MYO7B: variants seen among roughly 807,000 people sequenced by gnomAD.
MYO7B encodes unconventional myosin-VIIb.
MYO7B carries 212 observed loss-of-function variants against 259.7 expected under a neutral mutation model. The observed-to-expected ratio is 0.82, with a 90% CI of 0.73 to 0.91. The LOEUF is 0.91. Ranked by LOEUF, MYO7B falls within the 40% of genes least tolerant of loss-of-function variation. MYO7B has a pLI of 0.00. For missense variants in MYO7B, 2,732 were observed against 2,813.5 expected, an observed-to-expected ratio of 0.97 and a Z score of 0.66; for synonymous variants, 1,197 against 1,166.4, an observed-to-expected ratio of 1.03 and a Z score of -0.54.
At chr2:127,632,888 C>T (rs898470556) in intron 39 of MYO7B, among the ~76,000 whole-genome samples, 4 of 152,194 alleles carry the variant, frequency 2.6e-5, no homozygotes, top group Non-Finnish European at 5.9e-5. Context: ...CAGTGGCAGC[C>T]GTGGTCACAG....
At chr2:127,553,025 G>A (rs1181805511) in intron 1 of MYO7B, among the ~76,000 whole-genome samples, 1 of 152,156 alleles carries the variant, frequency 6.6e-6, no homozygotes, top group Non-Finnish European at 1.5e-5. Flanking sequence ...GTAAAACAGA[G>A]ACAGCAGCAT....
At chr2:127,536,627 C>T (rs1430362426) in intron 1 of MYO7B, among the ~76,000 whole-genome samples, 2 of 152,212 alleles carry the variant, frequency 1.3e-5, no homozygotes, top group African/African-American at 4.8e-5. Context: ...CCAGGTCAGA[C>T]AGCTGGTGGG....
rs777681660 is a variant in MYO7B, at chr2:127,623,356, A to G, written c.3800A>G (p.Gln1267Arg). The G allele has an allele frequency of 6.3e-7, 1 of 1,599,804 alleles. No homozygotes were observed. The highest frequency in any genetic ancestry group is 1.1e-5 in the South Asian group (1 of 89,096). ...AGCGACCACCTGGGCTTCTCCCTCC[A>G]GGTCGCCGTGTACGACAAGGTACCA... is the stretch of plus-strand genomic sequence containing the variant. ...GLSDHLGFSLQVAVYDKFWSL... is the reference protein window; with the variant it reads ...GLSDHLGFSLRVAVYDKFWSL... The change falls in exon 29 of 48, where the codon CAG (glutamine) becomes CGG (arginine). Residue 1267 changes from glutamine (Q) to arginine (R), a missense_variant. Gln to Arg is a conservative substitution (Grantham distance 43). Coordinates refer to ENST00000409816, the MANE Select transcript of MYO7B (RefSeq NM_001393586.1).
At chr2:127,542,626 A>G (rs1693050056) in intron 1 of MYO7B, among the ~76,000 whole-genome samples, 1 of 152,222 alleles carries the variant, frequency 6.6e-6, no homozygotes, top group Non-Finnish European at 1.5e-5. Context: ...GTCAGGTGGA[A>G]TGAGAGACTG....
At chr2:127,552,580 G>A (rs1693485878) in intron 1 of MYO7B, among the ~76,000 whole-genome samples, 1 of 152,224 alleles carries the variant, frequency 6.6e-6, no homozygotes, top group African/African-American at 2.4e-5. Flanking sequence ...GACAGGCCAT[G>A]TGGGGAATGG....
intron 17 of MYO7B, 45 bp from the exon 18 acceptor site, chr2:127,593,501 G>GTC: frequency 1.3e-6 from 2 of 1,580,276 alleles, no homozygotes; most frequent in South Asian, 2.3e-5. Flanking sequence ...CCGCCGAGGG[G>GTC]TCTCTGCCCC....
Position 127,582,371 on chromosome 2 carries a change from C to T in MYO7B, c.1268C>T (p.Ala423Val), listed in dbSNP as rs371466972. Residue 423 changes from alanine to valine, a missense_variant, in exon 12 of 48, where the codon GCC becomes GTC. By Grantham distance (64) the Ala-to-Val change is moderately conservative (BLOSUM62 0). Transcript: ENST00000409816. ...KINAAIFTPP[A>V]QDPKNVRRAI... is the part of the protein sequence containing the mutation. ...AATGCCGCCATCTTCACACCACCAG[C>T]CCAGGACCCCAAAAATGTGCGGAGG... The T allele has an allele frequency of 3.5e-5, 57 of 1,613,336 alleles. No homozygotes were observed. Among genetic ancestry groups the T allele is most frequent in the Non-Finnish European group, 4.6e-5 (54 of 1,179,718 alleles).
At chr2:127,617,536 C>T (rs919221061) in intron 26 of MYO7B, among the ~76,000 whole-genome samples, 3 of 122,206 alleles carry the variant, frequency 2.5e-5, no homozygotes, top group African/African-American at 1.0e-4. Flanking sequence ...CGCTCTGTCG[C>T]CCAGGCCAGA....
intron 3 of MYO7B, 108 bp from the exon 4 acceptor site, chr2:127,565,125 A>C: frequency 7.2e-7 from 1 of 1,396,312 alleles, no homozygotes; most frequent in Non-Finnish European, 9.7e-7. Context: ...CAGCTGATCC[A>C]TGACCCGGAA....
chr2:127,563,203 C>G (rs550694948), intron 2 of MYO7B, among the ~76,000 whole-genome samples: 1 of 152,324 alleles, frequency 6.6e-6, no homozygotes, highest in Admixed American at 6.5e-5. Flanking sequence ...TCACAACTTC[C>G]TACTGCTCTG....
At chr2:127,583,420 C>T (rs1679179869) in intron 12 of MYO7B, among the ~76,000 whole-genome samples, 1 of 152,118 alleles carries the variant, frequency 6.6e-6, no homozygotes, top group African/African-American at 2.4e-5. Flanking sequence ...GCAGGGCTGG[C>T]AGAACTTAGC....
At chr2:127,599,056 T>C (rs914856322) in intron 19 of MYO7B, among the ~76,000 whole-genome samples, 3 of 152,226 alleles carry the variant, frequency 2.0e-5, no homozygotes, top group African/African-American at 7.2e-5. Context: ...TTCCTTTGCA[T>C]TTCCATGTAC....
chr2:127,559,676 G>A lies in MYO7B; in HGVS notation c.-23-24G>A, dbSNP rs1385786769. 14 of 1,613,086 alleles carry A rather than the reference G, an allele frequency of 8.7e-6. No individual in the cohort carries two copies. Among genetic ancestry groups the A allele is most frequent in the South Asian group, 5.5e-5 (5 of 91,062 alleles). ...TATTGGGGCTGTGTATGGAGCTGAC[G>A]TTCTGCTTTCTCTCTCCATACAGGC... On this transcript the variant is annotated intron_variant, in intron 1 of 47. Transcript: ENST00000409816. The surrounding 1 kb of genome is among the most constrained non-coding windows in gnomAD (Gnocchi z 4.1).
chr2:127,591,324 C>T (rs748885997), intron 16 of MYO7B, among the ~76,000 whole-genome samples: 2 of 152,212 alleles, frequency 1.3e-5, no homozygotes, highest in Admixed American at 6.5e-5. Flanking sequence ...ACCCTTGGCT[C>T]GTTCAGACCC....
At chr2:127,610,064 G>A (rs551854937) in intron 24 of MYO7B, 48 bp downstream of exon 24, 3 of 1,587,240 alleles carry the variant, frequency 1.9e-6, no homozygotes, top group African/African-American at 1.3e-5. Context: ...CCTACCAGGT[G>A]CCTACCAGGG....
At chr2:127,617,487 G>GTTTTTTTTTTTTTT (rs35542480) in intron 26 of MYO7B, among the ~76,000 whole-genome samples, 5 of 84,822 alleles carry the variant, frequency 5.9e-5, no homozygotes, top group East Asian at 2.8e-4. Flanking sequence ...TTGTAACGGG[G>GTTTTTTTTTTTTTT]TTTTTTTTTT....
Position 127,611,885 on chromosome 2 carries a change from T to A in MYO7B, c.3193-365T>A, listed in dbSNP as rs1266341844. On this transcript the variant is annotated intron_variant, in intron 24 of 47. Transcript: ENST00000409816. The surrounding 1 kb of genome is among the most constrained non-coding windows in gnomAD (Gnocchi z 5.4). ...TGAGAATGACCATGGCCTGGGGCTG[T>A]CCTAAGCACCTGGGCTCAGACCCAG... 1.3e-5 allele frequency among the ~76,000 whole-genome samples: 2 copies of A among 152,128 alleles called. No homozygotes were observed. The highest frequency in any genetic ancestry group is 4.1e-4 in the South Asian group (2 of 4,828).
Position 127,635,748 on chromosome 2 carries a change from C to T in MYO7B, c.5847C>T (p.Phe1949=). The part of the protein sequence containing the change: ...HQELPKYLRG[F]HKCSREDAIH... ...AGCTGCCCAAGTACCTGCGCGGATT[C>T]CACAAGTGTTCGCGGGAGGATGCCA... Residue 1949 remains phenylalanine, a synonymous_variant, in exon 44 of 48, where the codon TTC becomes TTT. Coordinates refer to ENST00000409816, the MANE Select transcript of MYO7B (RefSeq NM_001393586.1). 1 of 1,604,522 alleles carries T rather than the reference C, an allele frequency of 6.2e-7. No homozygotes were observed. The highest frequency in any genetic ancestry group is 1.7e-5 in the Admixed American group (1 of 59,006).
At position 127,609,636 on chromosome 2, in the gene MYO7B, A is replaced by G. The variant is rs987378386; in HGVS notation, c.2945A>G (p.Gln982Arg). The G allele has an allele frequency of 1.9e-6, 3 of 1,613,892 alleles. No individual in the cohort carries two copies. Among genetic ancestry groups the G allele is most frequent in the Admixed American group, 1.7e-5 (1 of 60,006 alleles). Residue 982 changes from glutamine (Q) to arginine (R), a missense_variant, in exon 23 of 48, where the codon CAG (glutamine) becomes CGG (arginine). By Grantham distance (43) the Gln-to-Arg change is conservative (BLOSUM62 1). Around this residue, in one of 3 missense-constraint regions of MYO7B, gnomAD observed 1,906 missense variants for 2,026.4 expected, o/e 0.94. Coordinates refer to ENST00000409816, the MANE Select transcript of MYO7B (RefSeq NM_001393586.1). This position sits in a 1 kb window ranked among gnomAD's most constrained non-coding sequence, Gnocchi z 6.9. Reference protein sequence around the residue: ...TFPKFAVTYFQKSASHTHIRR... With the variant: ...TFPKFAVTYFRKSASHTHIRR... The stretch of plus-strand genomic sequence containing the variant: ...CCCAAGTTTGCTGTGACTTACTTCC[A>G]GAAATCAGCCAGCCACACACACATC...
Sources: gnomAD v4.1 joint callset for allele counts (sites outside exome capture counted in the v4.1 genomes callset) on GRCh38, gnomAD v4.1.1 for gene constraint, gnomAD v4.1.1 regional missense constraint, Gnocchi (gnomAD v3.1) non-coding constraint, MANE v1.5 for transcripts, NCBI Gene and HGNC (gene_info 2026-07-23, HGNC 2026-07-21) for gene names.